The following ITGB7 variants were observed in gnomAD, a reference collection of about 807,000 sequenced individuals.
ITGB7 encodes the protein integrin beta-7.
A neutral mutation model predicts 83.4 loss-of-function variants in ITGB7; 55 were observed. The observed-to-expected ratio is 0.66, with a 90% CI of 0.53 to 0.83. ITGB7 has a LOEUF of 0.83. Ranked by LOEUF, ITGB7 falls within the 40% of genes least tolerant of loss-of-function variation. ITGB7 has a pLI of 0.00. For missense variants in ITGB7, 921 were observed against 1,046.7 expected (o/e 0.88, Z 1.66); for synonymous variants, 454 against 423.6 (o/e 1.07, Z -0.88).
At chr12:53,200,033 A>C (rs1181214403) in intron 3 of ITGB7, among the ~76,000 whole-genome samples, 2 of 152,226 alleles carry the variant, frequency 1.3e-5, no homozygotes, top group African/African-American at 4.8e-5. Context: ...TCCTAAGTGC[A>C]CAAGAAACTT....
chr12:53,194,265 C>T lies in ITGB7; in HGVS notation c.1241G>A (p.Gly414Asp). ...AGCCTTACCCTCCCTCTTCTCAGGA[C>T]CCTCACACTGGGATTCGTAAGAAAT... ...VHISYESQCE[G>D]PEKREGKAED... The change falls in exon 10 of 16, where the codon GGT becomes GAT. Residue 414 changes from glycine (G) to aspartate (D), a missense_variant. Physicochemically the swap from Gly to Asp is moderately conservative, Grantham distance 94 (BLOSUM62 -1). Transcript: ENST00000267082. The T allele has an allele frequency of 6.2e-6, 10 of 1,614,030 alleles. No homozygotes were observed. The highest frequency in any genetic ancestry group is 7.6e-6 in the Non-Finnish European group (9 of 1,180,014).
At chr12:53,202,982 A>G (rs1942353377) in intron 1 of ITGB7, among the ~76,000 whole-genome samples, 1 of 152,236 alleles carries the variant, frequency 6.6e-6, no homozygotes, top group Non-Finnish European at 1.5e-5. Flanking sequence ...AATTCTTAGA[A>G]GAAAGTATAT....
Position 53,192,877 on chromosome 12 carries a change from C to T in ITGB7, c.1760G>A (p.Cys587Tyr), listed in dbSNP as rs1351555369. 2 of 1,614,080 alleles carry T rather than the reference C, an allele frequency of 1.2e-6. No individual in the cohort carries two copies. Among genetic ancestry groups the T allele is most frequent in the Non-Finnish European group, 1.7e-6 (2 of 1,180,052 alleles). Residue 587 changes from cysteine (C) to tyrosine (Y), a missense_variant, in exon 13 of 16, where the codon TGT (cysteine) becomes TAT (tyrosine). Transcript: ENST00000267082. ...FGRCQCGVCHCHANRTGRACE... is the reference protein window; with the variant it reads ...FGRCQCGVCHYHANRTGRACE... ...TGCTCTGCCCGTGCGGTTGGCATGA[C>T]AGTGACATACTCCACATTGGCAGCG...
intron 15 of ITGB7, 95 bp from the exon 16 acceptor site, chr12:53,191,731 G>A: frequency 6.6e-7 from 1 of 1,513,526 alleles, no homozygotes. Context: ...AATCCTAGGA[G>A]CTGATGGAAG....
At chr12:53,195,976 GGGAGTCCT>G in intron 7 of ITGB7, 57 bp downstream of exon 7, 1 of 1,570,334 alleles carries the variant, frequency 6.4e-7, no homozygotes, top group Non-Finnish European at 8.7e-7. Context: ...GGCTGGGAGT[GGGAGTCCT>G]GGAAGGAAAG....
Position 53,192,878 on chromosome 12 carries a change from A to G in ITGB7, c.1759T>C (p.Cys587Arg), listed in dbSNP as rs1942012633. ...FGRCQCGVCH[C>R]HANRTGRACE... Reference sequence around the variant, plus strand: ...GCTCTGCCCGTGCGGTTGGCATGACAGTGACATACTCCACATTGGCAGCGA... The same window carrying G: ...GCTCTGCCCGTGCGGTTGGCATGACGGTGACATACTCCACATTGGCAGCGA... Residue 587 changes from cysteine (C) to arginine (R), a missense_variant, in exon 13 of 16, where the codon TGT (cysteine) becomes CGT (arginine). Coordinates refer to ENST00000267082, the MANE Select transcript of ITGB7 (RefSeq NM_000889.3). 1 of 1,614,192 alleles carries G rather than the reference A, an allele frequency of 6.2e-7. No homozygotes were observed. Among genetic ancestry groups the G allele is most frequent in the Non-Finnish European group, 8.5e-7 (1 of 1,180,036 alleles).
intron 9 of ITGB7, chr12:53,195,080 C>A (rs550980667): frequency 4.1e-4 from 153 of 368,982 alleles, no homozygotes; most frequent in Admixed American, 2.0e-3. Flanking sequence ...AATGAAGTAG[C>A]AAACAGTATG....
At chr12:53,198,087 C>G in intron 3 of ITGB7, 136 bp from the exon 4 acceptor site, 3 of 617,748 alleles carry the variant, frequency 4.9e-6, no homozygotes, top group Non-Finnish European at 8.2e-6. Context: ...GATTCCCTCC[C>G]CTCTTCCTCG....
At chr12:53,201,642 C>T (rs558115376) in intron 1 of ITGB7, among the ~76,000 whole-genome samples, 3 of 148,012 alleles carry the variant, frequency 2.0e-5, no homozygotes, top group African/African-American at 7.4e-5. Flanking sequence ...CCCATTGGCC[C>T]TTTTTTTTTT....
At position 53,197,547 on chromosome 12, in the gene ITGB7, GCTGGCGCACGCGTT is replaced by G; in HGVS notation, c.506_519del (p.Glu169AlafsTer86). The G allele has an allele frequency of 6.2e-7, 1 of 1,614,216 alleles. No homozygotes were observed. The highest frequency in any genetic ancestry group is 8.5e-7 in the Non-Finnish European group (1 of 1,180,034). On this transcript the variant is annotated frameshift_variant, in exon 5 of 16. Transcript: ENST00000267082. LOFTEE classifies it high-confidence loss of function. ...AGCCGGACCAGCAGAGCGTGCCCGA[GCTGGCGCACGCGTT>G]CCAGGTCGTCCTTCATGGAGTAGCT...
chr12:53,203,097 T>G (rs1327194896), intron 1 of ITGB7, among the ~76,000 whole-genome samples: 1 of 152,144 alleles, frequency 6.6e-6, no homozygotes, highest in Non-Finnish European at 1.5e-5. Flanking sequence ...CATCAAAAAT[T>G]TAAAGTTTTG....
chr12:53,191,885 C>T lies in ITGB7; in HGVS notation c.2290G>A (p.Glu764Lys). 1 of 1,613,402 alleles carries T rather than the reference C, an allele frequency of 6.2e-7. No individual in the cohort carries two copies. The highest frequency in any genetic ancestry group is 8.5e-7 in the Non-Finnish European group (1 of 1,180,008). ...TGCTTCCAGTTGAGTTGTTGCTGCTCCTTCTCAAAGCGACTGTATTCCCGG... is the reference window on the plus strand; with the variant it reads ...TGCTTCCAGTTGAGTTGTTGCTGCTTCTTCTCAAAGCGACTGTATTCCCGG... Reference protein sequence around the residue: ...DRREYSRFEKEQQQLNWKQDS... With the variant: ...DRREYSRFEKKQQQLNWKQDS... Residue 764 changes from glutamate (E) to lysine (K), a missense_variant, in exon 15 of 16, where the codon GAG becomes AAG. Coordinates refer to ENST00000267082, the MANE Select transcript of ITGB7 (RefSeq NM_000889.3).
chr12:53,194,531 A>G (rs1384093942), intron 9 of ITGB7, 187 bp from the exon 10 acceptor site: 6 of 569,352 alleles, frequency 1.1e-5, no homozygotes, highest in Non-Finnish European at 1.9e-5. Context: ...TAGAACATAC[A>G]GGATCCAGAG....
chr12:53,195,055 C>T (rs183386413), intron 9 of ITGB7: 1 of 317,730 alleles, frequency 3.1e-6, no homozygotes, highest in East Asian at 6.1e-5. Flanking sequence ...TGAAGCAAGG[C>T]TTTTGGCAGG....
In ITGB7 at chr12:53,192,322, C is replaced by T. The variant is rs765790908; in HGVS notation, c.2155+8G>A. On this transcript the variant is annotated splice_region_variant and intron_variant, in intron 14 of 15. Coordinates refer to ENST00000267082, the MANE Select transcript of ITGB7 (RefSeq NM_000889.3). ...CTTCCAGGGTTTGTGGCATCCCTGC[C>T]CACTTACTTTCTTGGGGTCTCACTC... 4 of 1,613,808 alleles carry T rather than the reference C, an allele frequency of 2.5e-6. No homozygotes were observed. The South Asian group carries it at 3.3e-5, about 13-fold the overall frequency.
At position 53,194,238 on chromosome 12, in the gene ITGB7, T is replaced by G. The variant is rs1250711735; in HGVS notation, c.1268A>C (p.Glu423Ala). The change falls in exon 10 of 16, where the codon GAG (glutamate) becomes GCG (alanine). Residue 423 changes from glutamate (E) to alanine (A), a missense_variant. By Grantham distance (107) the Glu-to-Ala change is moderately radical. Coordinates refer to ENST00000267082, the MANE Select transcript of ITGB7 (RefSeq NM_000889.3). The stretch of plus-strand genomic sequence containing the variant: ...GACGTGGTTGCACTGTCCTCGATCC[T>G]CAGCCTTACCCTCCCTCTTCTCAGG... ...EGPEKREGKA[E>A]DRGQCNHVRI... 6.2e-7 allele frequency: 1 copy of G among 1,614,072 alleles called. No homozygotes were observed.
intron 2 of ITGB7, 41 bp downstream of exon 2, chr12:53,201,031 T>C (rs1942311921): frequency 6.6e-6 from 1 of 152,486 alleles, no homozygotes; most frequent in Admixed American, 6.5e-5. Flanking sequence ...ATTTGGGGAC[T>C]GAGCCTGAAA....
chr12:53,196,481 T>G lies in ITGB7; in HGVS notation c.816+98A>C, dbSNP rs372623948. Reference sequence around the variant, plus strand: ...TATACAAACTACAGCAACTATGGTATGAATGGCACCCCCTAGAACTGTGCA... The same window carrying G: ...TATACAAACTACAGCAACTATGGTAGGAATGGCACCCCCTAGAACTGTGCA... On this transcript the variant is annotated intron_variant, in intron 6 of 15. Transcript: ENST00000267082. 2.2e-5 allele frequency: 32 copies of G among 1,444,840 alleles called. No homozygotes were observed. The African/African-American group carries it at 3.5e-4, about 16-fold the overall frequency. 89.5% of individuals were successfully genotyped at this position (1,444,840 alleles called of 1,614,324 possible).
intron 1 of ITGB7, among the ~76,000 whole-genome samples, chr12:53,201,851 T>C (rs1002806411): frequency 2.0e-5 from 3 of 152,164 alleles, no homozygotes; most frequent in African/African-American, 7.2e-5. Flanking sequence ...CAGTGAGCTA[T>C]GATCGTGTCA....
Sources: allele counts gnomAD v4.1 joint callset (sites outside exome capture counted in the v4.1 genomes callset), GRCh38; gene constraint gnomAD v4.1.1; transcripts MANE v1.5; gene names NCBI Gene and HGNC (gene_info 2026-07-23, HGNC 2026-07-21).